The following CA10 variants were observed in gnomAD, a reference collection of about 807,000 sequenced individuals.
The protein encoded by CA10 is carbonic anhydrase-related protein 10.
Under a neutral mutation model 44.2 loss-of-function variants are expected in CA10, and 14 were observed. The ratio of observed to expected loss-of-function variants is 0.32; its 90% CI spans 0.21 to 0.50. The LOEUF is 0.50. CA10 is among the 20% of genes least tolerant of loss of function. The pLI, the probability that CA10 is intolerant of heterozygous loss-of-function variation, is 0.99. For missense variants in CA10, 350 were observed against 409.7 expected, an observed-to-expected ratio of 0.85 and a Z score of 1.26; for synonymous variants, 159 against 141.6, an observed-to-expected ratio of 1.12 and a Z score of -0.87.
At chr17:51,769,867 A>G (rs1240918441) in intron 3 of CA10, among the ~76,000 whole-genome samples, 1 of 152,172 alleles carries the variant, frequency 6.6e-6, no homozygotes, top group South Asian at 2.1e-4. Context: ...AGCCACAGGC[A>G]ATGATCAAAT....
At chr17:51,692,255 T>C (rs1270052782) in intron 4 of CA10, among the ~76,000 whole-genome samples, 1 of 138,484 alleles carries the variant, frequency 7.2e-6, no homozygotes, top group Non-Finnish European at 1.6e-5. Flanking sequence ...TTTTTTTTGG[T>C]AGCTATTGTA....
intron 1 of CA10, among the ~76,000 whole-genome samples, chr17:52,143,663 G>C (rs1173301864): frequency 6.6e-6 from 1 of 152,088 alleles, no homozygotes; most frequent in African/African-American, 2.4e-5. Context: ...CTAAAATCAG[G>C]CTGGCTGGGG....
chr17:51,844,972 C>A (rs1430714327), intron 3 of CA10, among the ~76,000 whole-genome samples: 1 of 152,062 alleles, frequency 6.6e-6, no homozygotes, highest in Non-Finnish European at 1.5e-5. Context: ...TGCTCTCAGA[C>A]AAAGAGATAC....
At chr17:51,961,663 T>G (rs1983897900) in intron 2 of CA10, among the ~76,000 whole-genome samples, 1 of 152,038 alleles carries the variant, frequency 6.6e-6, no homozygotes, top group African/African-American at 2.4e-5. Context: ...TAAGAGAAAA[T>G]TATAGACAAC....
intron 1 of CA10, among the ~76,000 whole-genome samples, chr17:52,139,589 C>T (rs1297422272): frequency 1.3e-5 from 2 of 151,902 alleles, no homozygotes; most frequent in Non-Finnish European, 2.9e-5. Flanking sequence ...CTTAACCTCT[C>T]TGAGCTTCCT....
At chr17:51,800,367 C>T (rs1906877936) in intron 3 of CA10, among the ~76,000 whole-genome samples, 1 of 152,034 alleles carries the variant, frequency 6.6e-6, no homozygotes, top group Non-Finnish European at 1.5e-5. Flanking sequence ...GGGGTGACTT[C>T]TAATGCATTT....
intron 3 of CA10, among the ~76,000 whole-genome samples, chr17:51,856,518 A>G (rs1014174986): frequency 8.5e-5 from 13 of 152,154 alleles, no homozygotes; most frequent in African/African-American, 2.9e-4. Flanking sequence ...CACGCAAATC[A>G]CAGATAAACA....
intron 3 of CA10, among the ~76,000 whole-genome samples, chr17:51,853,326 G>C (rs539231808): frequency 3.3e-5 from 5 of 152,278 alleles, no homozygotes; most frequent in African/African-American, 1.2e-4. Context: ...AGGCTGTTCT[G>C]CATAAGGCTG....
At chr17:52,057,742 C>T (rs893959959) in intron 2 of CA10, among the ~76,000 whole-genome samples, 10 of 152,102 alleles carry the variant, frequency 6.6e-5, no homozygotes, top group African/African-American at 1.9e-4. Flanking sequence ...GGCATTTTTA[C>T]AATTTCCAGC....
At chr17:51,808,222 G>A (rs566196538) in intron 3 of CA10, among the ~76,000 whole-genome samples, 4 of 152,252 alleles carry the variant, frequency 2.6e-5, no homozygotes, top group African/African-American at 7.2e-5. Context: ...TTCTTAGAGA[G>A]TTTATAAATG....
chr17:51,787,717 C>T (rs541035093), intron 3 of CA10, among the ~76,000 whole-genome samples: 3 of 152,196 alleles, frequency 2.0e-5, no homozygotes, highest in Admixed American at 6.5e-5. Flanking sequence ...AGGCTGGTCT[C>T]GAACTCCTGA....
chr17:52,018,566 C>T (rs1986040024), intron 2 of CA10, among the ~76,000 whole-genome samples: 1 of 152,096 alleles, frequency 6.6e-6, no homozygotes, highest in South Asian at 2.1e-4. Flanking sequence ...AATGTTTACT[C>T]AATGCCTGTA....
intron 1 of CA10, among the ~76,000 whole-genome samples, chr17:52,083,406 C>T (rs532199366): frequency 3.3e-4 from 50 of 152,110 alleles, no homozygotes; most frequent in African/African-American, 1.1e-3. Context: ...TATTTCATCT[C>T]TTTTTAAAAA....
At chr17:52,026,312 C>T (rs75958262) in intron 2 of CA10, among the ~76,000 whole-genome samples, 6,424 of 152,248 alleles carry the variant, frequency 0.042, 201 homozygotes, top group Non-Finnish European at 0.062. Context: ...CTCTGAACCA[C>T]CACTGTCTTT....
intron 3 of CA10, among the ~76,000 whole-genome samples, chr17:51,787,427 G>T (rs1193837288): frequency 6.6e-6 from 1 of 151,790 alleles, no homozygotes; most frequent in African/African-American, 2.4e-5. Flanking sequence ...GCATATAGTT[G>T]CTCATAGTAG....
chr17:51,820,196 C>G (rs973683452), intron 3 of CA10, among the ~76,000 whole-genome samples: 1,436 of 135,442 alleles, frequency 0.011, 57 homozygotes, highest in African/African-American at 0.011. Flanking sequence ...CCCCCCCCCC[C>G]CCAGGTAATA....
At chr17:51,662,828 C>T (rs1914056066) in intron 4 of CA10, among the ~76,000 whole-genome samples, 1 of 152,154 alleles carries the variant, frequency 6.6e-6, no homozygotes, top group African/African-American at 2.4e-5. Flanking sequence ...ATCATACCAA[C>T]CTAGAAAACC....
chr17:52,069,223 G>A (rs531719412), intron 2 of CA10, among the ~76,000 whole-genome samples: 2 of 152,168 alleles, frequency 1.3e-5, no homozygotes, highest in African/African-American at 2.4e-5. Flanking sequence ...ATCTGGGTAC[G>A]TACCTAGCCA....
intron 1 of CA10, among the ~76,000 whole-genome samples, chr17:52,080,256 T>C (rs1368592218): frequency 2.0e-5 from 3 of 152,086 alleles, no homozygotes; most frequent in South Asian, 2.1e-4. Context: ...ATAGAGACCA[T>C]CCTGGTTAAC....
Sources: gnomAD v4.1 joint callset for allele counts (sites outside exome capture counted in the v4.1 genomes callset) on GRCh38, gnomAD v4.1.1 for gene constraint, MANE v1.5 for transcripts, NCBI Gene and HGNC (gene_info 2026-07-23, HGNC 2026-07-21) for gene names.